Variants in PDK1 observed in about 807,000 individuals in gnomAD.
The protein encoded by PDK1 is [Pyruvate dehydrogenase (acetyl-transferring)] kinase isozyme 1, mitochondrial.
Under a neutral mutation model 54.2 loss-of-function variants are expected in PDK1, and 39 were observed. The ratio of observed to expected loss-of-function variants is 0.72; its 90% confidence interval spans 0.56 to 0.94. PDK1 has a LOEUF of 0.94. Among genes scored for constraint, PDK1 ranks in the 40% least tolerant of loss-of-function variants. PDK1 has a pLI of 0.00. For missense variants in PDK1, 552 were observed against 566.0 expected, an observed-to-expected ratio of 0.98 and a Z score of 0.25; for synonymous variants, 221 against 207.1, an observed-to-expected ratio of 1.07 and a Z score of -0.58.
chr2:172,713,197 G>A, the PDK1 span, among the ~76,000 whole-genome samples: 1 of 152,198 alleles, frequency 6.6e-6, no homozygotes, highest in Admixed American at 6.5e-5. Context: ...CAGGGAGGTC[G>A]TCCTGCCATC....
chr2:172,636,493 G>A, the PDK1 span, among the ~76,000 whole-genome samples: 5 of 152,134 alleles, frequency 3.3e-5, no homozygotes, highest in Non-Finnish European at 7.3e-5. Flanking sequence ...GCTGAGGTGG[G>A]TGGATCACCT....
intron 8 of PDK1, among the ~76,000 whole-genome samples, chr2:172,572,402 T>G (rs964221648): frequency 2.5e-4 from 38 of 152,222 alleles, no homozygotes; most frequent in African/African-American, 8.7e-4. Flanking sequence ...TGTCTCATTT[T>G]AGAACATTTT....
chr2:172,566,253 T>C (rs574908471), intron 5 of PDK1, among the ~76,000 whole-genome samples: 6 of 152,320 alleles, frequency 3.9e-5, no homozygotes, highest in African/African-American at 1.2e-4. Flanking sequence ...CTTTGTCATG[T>C]CACACTTAGA....
intron 3 of PDK1, chr2:172,564,074 G>A (rs1167051802): frequency 2.1e-6 from 1 of 472,214 alleles, no homozygotes; most frequent in Admixed American, 2.3e-5. Flanking sequence ...AAACAGGCAG[G>A]CTTTATTGGC....
chr2:172,669,496 T>A, the PDK1 span, among the ~76,000 whole-genome samples: 1 of 152,214 alleles, frequency 6.6e-6, no homozygotes, highest in Non-Finnish European at 1.5e-5. Context: ...AGTGCAGACA[T>A]CTCTTCAGCA....
the PDK1 span, chr2:172,723,424 C>T: frequency 6.6e-6 from 1 of 151,934 alleles, no homozygotes; most frequent in Non-Finnish European, 1.5e-5. Context: ...ATATTTTGAA[C>T]ACAAAATAAA....
chr2:172,576,187 A>C (rs1306689485), intron 8 of PDK1, among the ~76,000 whole-genome samples: 3 of 152,048 alleles, frequency 2.0e-5, no homozygotes, highest in Non-Finnish European at 4.4e-5. Context: ...CAGCCTCCCA[A>C]AGTTCTGGGA....
upstream of PDK1, chr2:172,555,759 CA>C (rs1688273326): frequency 5.9e-6 from 1 of 168,376 alleles, no homozygotes; most frequent in South Asian, 2.0e-4. Flanking sequence ...GGGGACGCTC[CA>C]TACCGCCTCG....
the PDK1 span, among the ~76,000 whole-genome samples, chr2:172,685,828 A>G: frequency 7.2e-5 from 11 of 152,214 alleles, no homozygotes; most frequent in African/African-American, 2.7e-4. Flanking sequence ...CTGAACAGAC[A>G]GCTGCACGTG....
the PDK1 span, among the ~76,000 whole-genome samples, chr2:172,654,453 CT>C: frequency 6.6e-6 from 1 of 152,124 alleles, no homozygotes; most frequent in Admixed American, 6.6e-5. Context: ...AGTTCATGTC[CT>C]TTGTAGGGAC....
chr2:172,658,568 G>A, the PDK1 span, among the ~76,000 whole-genome samples: 1 of 152,156 alleles, frequency 6.6e-6, no homozygotes. Context: ...TGGGCAAAAA[G>A]AGCCATATTT....
chr2:172,562,999 A>T lies in PDK1; in HGVS notation c.410+708A>T, dbSNP rs74265085. The stretch of plus-strand genomic sequence containing the variant: ...CTTCATTTTTTTAAACATGATTTTA[A>T]TCTGAAAATAACTTCAGCAAGAGTT... On this transcript the variant is annotated intron_variant, in intron 3 of 10. Coordinates refer to ENST00000282077, the MANE Select transcript of PDK1 (RefSeq NM_002610.5). 5.0e-3 allele frequency among the ~76,000 whole-genome samples: 756 copies of T among 152,310 alleles called. 16 individuals are homozygous for T. The highest frequency in any genetic ancestry group is 0.038 in the East Asian group (198 of 5,186).
At chr2:172,664,311 CAAAAA>C in the PDK1 span, among the ~76,000 whole-genome samples, 116 of 44,182 alleles carry the variant, frequency 2.6e-3, 2 homozygotes, top group African/African-American at 0.011. Flanking sequence ...AACTCTGCCT[CAAAAA>C]AAAAAAAAAA....
At chr2:172,558,400 T>G (rs1688468729) in intron 1 of PDK1, 2 of 236,892 alleles carry the variant, frequency 8.4e-6, no homozygotes, top group Admixed American at 1.2e-4. Context: ...TCAGACATGC[T>G]CAGGTTACCT....
chr2:172,706,152 C>T, the PDK1 span, among the ~76,000 whole-genome samples: 412 of 152,324 alleles, frequency 2.7e-3, 2 homozygotes, highest in African/African-American at 9.2e-3. Context: ...TCCCTCCTTA[C>T]TACTTAACCT....
chr2:172,564,008 C>A (rs1300386035), intron 3 of PDK1: 1 of 471,116 alleles, frequency 2.1e-6, no homozygotes, highest in Non-Finnish European at 4.4e-6. Context: ...GAATTCTTTT[C>A]TGTTTTTCTG....
the PDK1 span, among the ~76,000 whole-genome samples, chr2:172,720,307 G>A: frequency 2.0e-5 from 3 of 152,020 alleles, no homozygotes; most frequent in Admixed American, 6.6e-5. Flanking sequence ...TAGAGGCGAG[G>A]TTTCACCGTG....
the PDK1 span, among the ~76,000 whole-genome samples, chr2:172,684,048 G>A: frequency 6.6e-6 from 1 of 152,236 alleles, no homozygotes; most frequent in Admixed American, 6.5e-5. Context: ...GGTAAGTTGG[G>A]AAATATTTGG....
chr2:172,572,900 G>C (rs1029473261), intron 8 of PDK1, among the ~76,000 whole-genome samples: 1 of 152,058 alleles, frequency 6.6e-6, no homozygotes, highest in African/African-American at 2.4e-5. Context: ...CTTTCACTTA[G>C]TATAATGTTA....
Sources: allele counts gnomAD v4.1 joint callset (sites outside exome capture counted in the v4.1 genomes callset), GRCh38; gene constraint gnomAD v4.1.1; transcripts MANE v1.5; gene names NCBI Gene and HGNC (gene_info 2026-07-23, HGNC 2026-07-21).